Variants in SNTG2 observed in about 807,000 individuals in gnomAD.
SNTG2 encodes gamma-2-syntrophin.
A neutral mutation model predicts 70.9 loss-of-function variants in SNTG2; 74 were observed. The ratio of observed to expected loss-of-function variants is 1.04; its 90% CI spans 0.86 to 1.27. The LOEUF is 1.27. SNTG2 is among the 50% of genes most tolerant of loss of function. The pLI is 0.00. For missense variants in SNTG2, 717 were observed against 690.7 expected, an observed-to-expected ratio of 1.04 and a Z score of -0.43; for synonymous variants, 278 against 273.8, an observed-to-expected ratio of 1.02 and a Z score of -0.15.
intron 1 of SNTG2, among the ~76,000 whole-genome samples, chr2:966,870 C>A (rs1194227962): frequency 2.0e-5 from 3 of 152,130 alleles, no homozygotes; most frequent in African/African-American, 7.2e-5. Flanking sequence ...TTGCTTGAAC[C>A]TGGGAGGTGG....
rs1181963004 is a variant in SNTG2, at chr2:1,024,878, G to T, written c.73-58640G>T. Among the ~76,000 whole-genome samples the T allele has an allele frequency of 2.0e-5, 3 of 152,160 alleles. No homozygotes were observed. In the East Asian group the frequency reaches 5.8e-4, roughly 29 times the overall value. On this transcript the variant is annotated intron_variant, in intron 1 of 16. Transcript: ENST00000308624. ...TGTGTACTCTACCAAGAAATAAAAA[G>T]AAAGCAGAAACTAATACTTACAATA...
intron 2 of SNTG2, among the ~76,000 whole-genome samples, chr2:1,091,500 G>C (rs944828707): frequency 3.3e-5 from 5 of 152,220 alleles, no homozygotes; most frequent in Non-Finnish European, 5.9e-5. Flanking sequence ...AACATCATAA[G>C]GTCATGGCGG....
intron 1 of SNTG2, among the ~76,000 whole-genome samples, chr2:1,080,149 G>T (rs1664190857): frequency 6.6e-6 from 1 of 152,318 alleles, no homozygotes; most frequent in East Asian, 1.9e-4. Flanking sequence ...CGATGGCTTA[G>T]TGAAAGTCTG....
intron 16 of SNTG2, among the ~76,000 whole-genome samples, chr2:1,358,556 T>C (rs1395985892): frequency 2.6e-5 from 4 of 152,180 alleles, no homozygotes; most frequent in Non-Finnish European, 5.9e-5. Context: ...TGTTTTTGTT[T>C]TGGTTTGTCT....
chr2:1,153,124 CAA>C (rs60254441), intron 6 of SNTG2, among the ~76,000 whole-genome samples: 12,807 of 134,160 alleles, frequency 0.095, 926 homozygotes, highest in African/African-American at 0.21. Context: ...AACTCCATCT[CAA>C]AAAAAAAAAA....
chr2:1,098,576 T>C (rs909801478), intron 4 of SNTG2, among the ~76,000 whole-genome samples, 166 bp downstream of exon 4: 1 of 152,258 alleles, frequency 6.6e-6, no homozygotes, highest in African/African-American at 2.4e-5. Flanking sequence ...TATGCCCTGA[T>C]CTGAGGCTGC....
At chr2:1,105,249 TTTTG>T (rs1358451041) in intron 4 of SNTG2, among the ~76,000 whole-genome samples, 1 of 151,878 alleles carries the variant, frequency 6.6e-6, no homozygotes, top group Non-Finnish European at 1.5e-5. Flanking sequence ...CCCACTTGCA[TTTTG>T]TCATTGCCAG....
chr2:1,155,926 C>T (rs1669863410), intron 6 of SNTG2, among the ~76,000 whole-genome samples: 1 of 152,060 alleles, frequency 6.6e-6, no homozygotes, highest in African/African-American at 2.4e-5. Flanking sequence ...TGGACCCCAG[C>T]GTTCAGAGCT....
chr2:1,294,375 C>T (rs1407777892), intron 14 of SNTG2, among the ~76,000 whole-genome samples: 1 of 152,190 alleles, frequency 6.6e-6, no homozygotes, highest in Non-Finnish European at 1.5e-5. Flanking sequence ...CATCTAATCT[C>T]TCTAAACATG....
chr2:1,220,796 G>A (rs912652707), intron 9 of SNTG2, among the ~76,000 whole-genome samples: 4 of 152,212 alleles, frequency 2.6e-5, no homozygotes, highest in Non-Finnish European at 4.4e-5. Flanking sequence ...TCAGAAGCCA[G>A]TGCTGCCTTC....
chr2:1,332,424 A>T (rs1272238247), intron 16 of SNTG2, among the ~76,000 whole-genome samples: 1 of 152,210 alleles, frequency 6.6e-6, no homozygotes, highest in Admixed American at 6.5e-5. Context: ...CTAAACCATT[A>T]TGTGAAGCCA....
At chr2:1,216,694 C>G (rs1273863133) in intron 9 of SNTG2, among the ~76,000 whole-genome samples, 1 of 152,250 alleles carries the variant, frequency 6.6e-6, no homozygotes, top group Non-Finnish European at 1.5e-5. Flanking sequence ...GAGGCACAGA[C>G]AGGAGAGTCC....
intron 2 of SNTG2, among the ~76,000 whole-genome samples, chr2:1,089,622 G>A (rs1664890783): frequency 9.8e-6 from 1 of 101,826 alleles, no homozygotes; most frequent in African/African-American, 3.4e-5. Context: ...GTGACAGAGC[G>A]AAACTCCGTC....
chr2:1,327,420 A>C (rs1172987902), intron 16 of SNTG2, among the ~76,000 whole-genome samples: 1 of 152,214 alleles, frequency 6.6e-6, no homozygotes, highest in Non-Finnish European at 1.5e-5. Context: ...TCATCATTTA[A>C]TTTAGCTTAG....
chr2:1,346,797 G>GA (rs531614335), intron 16 of SNTG2, among the ~76,000 whole-genome samples: 82 of 152,196 alleles, frequency 5.4e-4, no homozygotes, highest in Middle Eastern at 3.4e-3. Context: ...CTTCAGCCTG[G>GA]AAAAGTGGGT....
At chr2:1,037,223 G>A (rs1308920663) in intron 1 of SNTG2, among the ~76,000 whole-genome samples, 1 of 152,176 alleles carries the variant, frequency 6.6e-6, no homozygotes, top group African/African-American at 2.4e-5. Context: ...CTGACCCAGA[G>A]CCAGCTGGAC....
intron 13 of SNTG2, among the ~76,000 whole-genome samples, chr2:1,266,539 G>C (rs984598745): frequency 3.3e-5 from 5 of 152,154 alleles, no homozygotes; most frequent in Non-Finnish European, 5.9e-5. Context: ...GAGCTCCTGG[G>C]TGGCCGGGTG....
At chr2:1,294,280 C>T (rs1680109977) in intron 14 of SNTG2, among the ~76,000 whole-genome samples, 1 of 152,218 alleles carries the variant, frequency 6.6e-6, no homozygotes, top group Non-Finnish European at 1.5e-5. Flanking sequence ...AGACCCCAAC[C>T]CTCAGGTCCC....
chr2:1,304,704 C>T (rs1680599761), intron 14 of SNTG2, among the ~76,000 whole-genome samples: 1 of 146,610 alleles, frequency 6.8e-6, no homozygotes, highest in Non-Finnish European at 1.5e-5. Flanking sequence ...CCAGCCTGGG[C>T]AATAAGAGCG....
Sources: gnomAD v4.1 joint callset for allele counts (sites outside exome capture counted in the v4.1 genomes callset) on GRCh38, gnomAD v4.1.1 for gene constraint, MANE v1.5 for transcripts, NCBI Gene and HGNC (gene_info 2026-07-23, HGNC 2026-07-21) for gene names.